ZNF540: variants seen among roughly 807,000 people sequenced by gnomAD.
The protein encoded by ZNF540 is CTD-3064H18.6.
Under a neutral mutation model 11.8 loss-of-function variants are expected in ZNF540, and 3 were observed. The observed-to-expected ratio is 0.25, with a 90% CI of 0.12 to 0.65. The LOEUF (loss-of-function observed/expected upper bound fraction) is 0.65, where lower values mean the gene tolerates loss of function less well. Among genes scored for constraint, ZNF540 ranks in the 30% least tolerant of loss-of-function variants. The pLI, the probability that ZNF540 is intolerant of heterozygous loss-of-function variation, is 0.83. For synonymous variants in ZNF540, 247 were observed against 259.0 expected, an observed-to-expected ratio of 0.95 and a Z score of 0.45; for missense variants, 709 against 793.1, an observed-to-expected ratio of 0.89 and a Z score of 1.27.
intron 1 of ZNF540, chr19:37,586,742 A>G: frequency 6.3e-7 from 1 of 1,581,500 alleles, no homozygotes; most frequent in Non-Finnish European, 8.6e-7. Flanking sequence ...CAGAGAAGCC[A>G]GTGCTGGACA....
Position 37,612,538 on chromosome 19 carries a change from TTTAG to T in ZNF540, c.1262_1265del (p.Ser421IlefsTer43). ...TGCATGTAAGGTGTGTGAGAAGGCT[TTTAG>T]TTATAGTGGTGACCTCAGAGTACAT... On this transcript the variant is annotated frameshift_variant, in exon 5 of 5. Transcript: ENST00000316433. LOFTEE classifies it low-confidence loss of function (END_TRUNC). 1 of 1,614,092 alleles carries T rather than the reference TTTAG, an allele frequency of 6.2e-7. No individual in the cohort carries two copies. Among genetic ancestry groups the T allele is most frequent in the Non-Finnish European group, 8.5e-7 (1 of 1,180,004 alleles).
chr19:37,586,926 G>A (rs1211050314), intron 1 of ZNF540: 3 of 536,812 alleles, frequency 5.6e-6, no homozygotes, highest in Non-Finnish European at 9.8e-6. Flanking sequence ...TAATGTCCAT[G>A]TTGAACAGGA....
intron 1 of ZNF540, among the ~76,000 whole-genome samples, chr19:37,589,200 C>CAAAAAAAAAA (rs35689698): frequency 9.2e-6 from 1 of 108,898 alleles, no homozygotes; most frequent in Admixed American, 1.0e-4. Context: ...AACTCCGTCT[C>CAAAAAAAAAA]AAAAAAAAAA....
At chr19:37,581,848 G>A (rs2043478027) in intron 1 of ZNF540, among the ~76,000 whole-genome samples, 2 of 151,086 alleles carry the variant, frequency 1.3e-5, no homozygotes, top group Admixed American at 1.3e-4. Flanking sequence ...GCAGTGGACA[G>A]GAGCTGCAGG....
chr19:37,564,618 G>A (rs1174545264), intron 1 of ZNF540: 1 of 1,545,334 alleles, frequency 6.5e-7, no homozygotes, highest in Non-Finnish European at 8.7e-7. Flanking sequence ...AGCCTTGTAT[G>A]TTGAGTAAGT....
upstream of ZNF540, chr19:37,594,779 C>T (rs2043970200): frequency 6.6e-6 from 1 of 152,224 alleles, no homozygotes. Flanking sequence ...CAAGACATAA[C>T]AGCGTAAGTG....
chr19:37,599,228 G>C (rs1203488656), intron 2 of ZNF540, among the ~76,000 whole-genome samples: 1 of 151,964 alleles, frequency 6.6e-6, no homozygotes, highest in East Asian at 1.9e-4. Context: ...GAGGATATAG[G>C]ATTCTTTTTT....
upstream of ZNF540, among the ~76,000 whole-genome samples, chr19:37,591,006 A>T (rs1472784436): frequency 6.6e-6 from 1 of 152,268 alleles, no homozygotes; most frequent in Admixed American, 6.5e-5. Context: ...TAAAACAGAG[A>T]TACAAGTATA....
At chr19:37,553,352 C>G (rs1327826697) in intron 1 of ZNF540, among the ~76,000 whole-genome samples, 1 of 151,542 alleles carries the variant, frequency 6.6e-6, no homozygotes, top group Non-Finnish European at 1.5e-5. Context: ...AGGCTGGTCT[C>G]AAACTCCTGA....
intron 1 of ZNF540, among the ~76,000 whole-genome samples, chr19:37,578,226 C>T (rs930212325): frequency 6.6e-6 from 1 of 152,166 alleles, no homozygotes; most frequent in African/African-American, 2.4e-5. Flanking sequence ...TGGGATAGCG[C>T]TGGTCTAGAA....
At chr19:37,586,630 AT>A (rs769001655) in intron 1 of ZNF540, 10 of 1,613,210 alleles carry the variant, frequency 6.2e-6, no homozygotes, top group Non-Finnish European at 8.5e-6. Context: ...ACACAACAAA[AT>A]GATTGTACTT....
intron 1 of ZNF540, among the ~76,000 whole-genome samples, chr19:37,574,988 C>T (rs1213320420): frequency 1.3e-5 from 2 of 152,108 alleles, no homozygotes; most frequent in Admixed American, 6.6e-5. Flanking sequence ...TTTACATTTT[C>T]AAAATCAAAA....
intron 1 of ZNF540, among the ~76,000 whole-genome samples, chr19:37,579,449 G>A (rs1209495415): frequency 6.6e-6 from 1 of 152,210 alleles, no homozygotes; most frequent in East Asian, 1.9e-4. Context: ...GGAAGCAGCA[G>A]TACTGTGACA....
chr19:37,582,847 A>G (rs1229907892), intron 1 of ZNF540, among the ~76,000 whole-genome samples: 1 of 152,194 alleles, frequency 6.6e-6, no homozygotes, highest in African/African-American at 2.4e-5. Flanking sequence ...TAGTCCTCTC[A>G]TTAGTCTTCC....
At chr19:37,602,957 C>G (rs970532985) in intron 4 of ZNF540, among the ~76,000 whole-genome samples, 1 of 148,830 alleles carries the variant, frequency 6.7e-6, no homozygotes, top group African/African-American at 2.5e-5. Context: ...TAGGAGGGAA[C>G]TAGATAAGAG....
chr19:37,602,567 T>C (rs950021397), intron 4 of ZNF540, among the ~76,000 whole-genome samples: 2 of 152,184 alleles, frequency 1.3e-5, no homozygotes, highest in Non-Finnish European at 2.9e-5. Context: ...GAAAGTTTGC[T>C]GATTCCCTCC....
At chr19:37,603,301 G>GA (rs1411638963) in intron 4 of ZNF540, among the ~76,000 whole-genome samples, 1 of 152,094 alleles carries the variant, frequency 6.6e-6, no homozygotes, top group East Asian at 1.9e-4. Flanking sequence ...GCCTGGCCAG[G>GA]AGTCTATTTC....
At chr19:37,581,556 C>T (rs1221378571) in intron 1 of ZNF540, among the ~76,000 whole-genome samples, 2 of 151,134 alleles carry the variant, frequency 1.3e-5, no homozygotes, top group Non-Finnish European at 2.9e-5. Flanking sequence ...ACCTCGACCT[C>T]GGGGCTCAAA....
intron 1 of ZNF540, among the ~76,000 whole-genome samples, chr19:37,572,894 GAAAT>G (rs1764957101): frequency 6.8e-6 from 1 of 148,032 alleles, no homozygotes; most frequent in Non-Finnish European, 1.5e-5. Flanking sequence ...TTCAGGGCAA[GAAAT>G]AATTATTTCA....
Sources: allele counts gnomAD v4.1 joint callset (sites outside exome capture counted in the v4.1 genomes callset), GRCh38; gene constraint gnomAD v4.1.1; transcripts MANE v1.5; gene names NCBI Gene and HGNC (gene_info 2026-07-23, HGNC 2026-07-21).